Variants in TMEM243 observed in about 807,000 individuals in gnomAD.
TMEM243 encodes the protein transmembrane protein 243, also known as MDR1 and mitochondrial taxol resistance associated.
In TMEM243, 20 loss-of-function variants were observed where a neutral mutation model predicts 15.0. The ratio of observed to expected loss-of-function variants is 1.33; its 90% confidence interval spans 0.94 to 1.93. The LOEUF (loss-of-function observed/expected upper bound fraction) is 1.93. Among genes scored for constraint, TMEM243 ranks in the 30% most tolerant of loss-of-function variants. The pLI is 0.00. For synonymous variants in TMEM243, 72 were observed against 52.7 expected (o/e 1.37, Z -1.59); for missense variants, 156 against 142.1 (o/e 1.10, Z -0.50).
In TMEM243 at chr7:87,207,409, C is replaced by A. The variant is rs1350844710; in HGVS notation, c.79-8352G>T. On this transcript the variant is annotated intron_variant, in intron 1 of 3. Coordinates refer to ENST00000257637, the MANE Select transcript of TMEM243 (RefSeq NM_024315.4). ...AGGAGTTCGAGACCATCCTGGCTAACACGGTGAAACCCCGTCTCTACTAAA... is the reference window on the plus strand; with the variant it reads ...AGGAGTTCGAGACCATCCTGGCTAAAACGGTGAAACCCCGTCTCTACTAAA... 2.8e-4 allele frequency among the ~76,000 whole-genome samples: 3 copies of A among 10,624 alleles called. 1 individual carries two copies. The highest frequency in any genetic ancestry group is 2.1e-3 in the Admixed American group (3 of 1,414). 7.0% of individuals were successfully genotyped at this position (10,624 alleles called of 152,430 possible). A position where few individuals can be genotyped will look rare whatever the true frequency, so the allele number is the denominator to read the frequency against.
intron 1 of TMEM243, among the ~76,000 whole-genome samples, chr7:87,216,273 C>CAA (rs3057445): frequency 4.8e-5 from 4 of 83,890 alleles, no homozygotes; most frequent in Non-Finnish European, 9.4e-5. Context: ...GACTCCGTCT[C>CAA]AAAAAAAAAA....
Position 87,219,535 on chromosome 7 carries a change from T to TAAA in TMEM243, c.-35_-33dup. On this transcript the variant is annotated 5_prime_UTR_variant, in exon 1 of 4. An upstream open reading frame in the 5' UTR loses its in-frame stop. Transcript: ENST00000257637. ...GTTTCTTCACTTTCCCCAAGCCACT[T>TAAA]AAAAGCAAGACAGCATGACCTCCCG... The TAAA allele has an allele frequency of 6.2e-7, 1 of 1,605,410 alleles. No individual in the cohort carries two copies. Among genetic ancestry groups the TAAA allele is most frequent in the Non-Finnish European group, 8.5e-7 (1 of 1,172,228 alleles).
At chr7:87,218,052 T>TG (rs767527721) in intron 1 of TMEM243, among the ~76,000 whole-genome samples, 1 of 152,274 alleles carries the variant, frequency 6.6e-6, no homozygotes, top group Non-Finnish European at 1.5e-5. Flanking sequence ...TTGGGACAGA[T>TG]GGACAAATTT....
intron 1 of TMEM243, among the ~76,000 whole-genome samples, chr7:87,214,760 G>A (rs1235498362): frequency 6.6e-6 from 1 of 152,198 alleles, no homozygotes; most frequent in Non-Finnish European, 1.5e-5. Flanking sequence ...AAATGCTTGG[G>A]ACCAGAAGCG....
intron 1 of TMEM243, 146 bp from the exon 2 acceptor site, chr7:87,199,203 CA>C (rs751096569): frequency 3.3e-6 from 2 of 604,610 alleles, no homozygotes; most frequent in Non-Finnish European, 5.6e-6. Context: ...CCAGACAAAG[CA>C]AAGTGTACTG....
At chr7:87,208,788 C>T (rs962579332) in intron 1 of TMEM243, among the ~76,000 whole-genome samples, 1 of 152,188 alleles carries the variant, frequency 6.6e-6, no homozygotes, top group African/African-American at 2.4e-5. Context: ...CCAGAGGCAA[C>T]AGCACATTTT....
Position 87,219,694 on chromosome 7 carries a change from C to G in TMEM243, c.-191G>C. On this transcript the variant is annotated 5_prime_UTR_variant, in exon 1 of 4. Coordinates refer to ENST00000257637, the MANE Select transcript of TMEM243 (RefSeq NM_024315.4). ...GGAACGCGACTGCTCCGCCCCGGCC[C>G]CGCGCACCTCCTCATCTTGAGCAGC... 6.7e-6 allele frequency: 4 copies of G among 595,092 alleles called. No individual in the cohort carries two copies. The highest frequency in any genetic ancestry group is 9.0e-6 in the Non-Finnish European group (3 of 335,040). 36.9% of individuals were successfully genotyped at this position (595,092 alleles called of 1,614,324 possible). A position where few individuals can be genotyped will look rare whatever the true frequency, so the allele number is the denominator to read the frequency against.
intron 1 of TMEM243, among the ~76,000 whole-genome samples, chr7:87,206,737 T>G (rs1031046539): frequency 6.6e-6 from 1 of 152,262 alleles, no homozygotes; most frequent in African/African-American, 2.4e-5. Context: ...CACAGGTAAC[T>G]GAAGCCTAGA....
In TMEM243 at chr7:87,218,379, T is replaced by A. The variant is rs115508370; in HGVS notation, c.78+1047A>T. On this transcript the variant is annotated intron_variant, in intron 1 of 3. Coordinates refer to ENST00000257637, the MANE Select transcript of TMEM243 (RefSeq NM_024315.4). The stretch of plus-strand genomic sequence containing the variant: ...TTGAGAAGAGAAAGTAAAATCCACG[T>A]GGAGTTTAAAAAATAAAGTAGTCCT... 5.2e-3 allele frequency among the ~76,000 whole-genome samples: 786 copies of A among 152,318 alleles called. 4 individuals carry two copies. Among genetic ancestry groups the A allele is most frequent in the African/African-American group, 0.018 (762 of 41,570 alleles).
At chr7:87,214,455 CAT>C (rs1186141291) in intron 1 of TMEM243, among the ~76,000 whole-genome samples, 1 of 152,158 alleles carries the variant, frequency 6.6e-6, no homozygotes, top group Non-Finnish European at 1.5e-5. Flanking sequence ...TTCATTGAAC[CAT>C]GTTTCCCAAA....
chr7:87,203,628 T>G (rs1453121178), intron 1 of TMEM243, among the ~76,000 whole-genome samples: 3 of 151,268 alleles, frequency 2.0e-5, no homozygotes, highest in Admixed American at 6.6e-5. Flanking sequence ...AAAAAAATTG[T>G]CTTAAAAAAC....
intron 1 of TMEM243, among the ~76,000 whole-genome samples, chr7:87,205,091 C>T (rs1189041469): frequency 6.6e-6 from 1 of 152,188 alleles, no homozygotes; most frequent in Non-Finnish European, 1.5e-5. Flanking sequence ...GTACCTTGGC[C>T]CCTTTTAGCC....
intron 1 of TMEM243, among the ~76,000 whole-genome samples, chr7:87,210,909 A>C (rs1802700407): frequency 6.6e-6 from 1 of 152,248 alleles, no homozygotes; most frequent in Admixed American, 6.5e-5. Flanking sequence ...ACCCAACAGC[A>C]CGTGGAAGCC....
At chr7:87,216,318 C>T (rs1803119742) in intron 1 of TMEM243, among the ~76,000 whole-genome samples, 1 of 150,426 alleles carries the variant, frequency 6.6e-6, no homozygotes, top group Non-Finnish European at 1.5e-5. Context: ...TGGTAGAAGG[C>T]GCCTATAGTC....
rs1803364130 is a variant in TMEM243 at position 87,219,674 on chromosome 7, G to A, written c.-171C>T. The A allele has an allele frequency of 1.6e-6, 1 of 620,722 alleles. No homozygotes were observed. The highest frequency in any genetic ancestry group is 2.9e-6 in the Non-Finnish European group (1 of 350,204). The allele number at this position is 620,722 out of a possible 1,614,324, so 38.5% of individuals were successfully genotyped here. ...GGGTGGGGGCTCACACGCGGGGAAC[G>A]CGACTGCTCCGCCCCGGCCCCGCGC... is the stretch of plus-strand genomic sequence containing the variant. On this transcript the variant is annotated 5_prime_UTR_variant, in exon 1 of 4. Transcript: ENST00000257637.
intron 1 of TMEM243, chr7:87,202,872 T>TA (rs1201724311): frequency 1.1e-4 from 17 of 152,340 alleles, no homozygotes; most frequent in Admixed American, 9.1e-4. Flanking sequence ...TTTCAGTTCT[T>TA]ACACTTTATG....
chr7:87,198,114 T>C, intron 2 of TMEM243, 69 bp from the exon 3 acceptor site: 1 of 1,296,050 alleles, frequency 7.7e-7, no homozygotes, highest in Non-Finnish European at 1.1e-6. Context: ...AACTGGAGTC[T>C]AGGCAACAGT....
intron 2 of TMEM243, 119 bp downstream of exon 2, chr7:87,198,888 A>AT: frequency 3.4e-6 from 3 of 893,056 alleles, no homozygotes; most frequent in East Asian, 2.8e-5. Context: ...AGCAACTGCA[A>AT]TTTTGTGGTA....
intron 1 of TMEM243, among the ~76,000 whole-genome samples, chr7:87,216,035 C>T (rs1388822175): frequency 6.6e-6 from 1 of 151,970 alleles, no homozygotes; most frequent in African/African-American, 2.4e-5. Context: ...CTTTGGGAGG[C>T]CGAGGCGGGC....
Sources: allele counts gnomAD v4.1 joint callset (sites outside exome capture counted in the v4.1 genomes callset), GRCh38; gene constraint gnomAD v4.1.1; transcripts MANE v1.5; gene names NCBI Gene and HGNC (gene_info 2026-07-23, HGNC 2026-07-21).